SPOCK3: variants seen among roughly 807,000 people sequenced by gnomAD.
SPOCK3 encodes the protein SPARC (osteonectin), cwcv and kazal like domains proteoglycan 3.
Under a neutral mutation model 56.6 loss-of-function variants are expected in SPOCK3, and 30 were observed. The observed-to-expected ratio is 0.53, with a 90% CI of 0.40 to 0.72. The LOEUF (loss-of-function observed/expected upper bound fraction) is 0.72. SPOCK3 is among the 30% of genes least tolerant of loss of function. The pLI, the probability that SPOCK3 is intolerant of heterozygous loss-of-function variation, is 0.00. For synonymous variants in SPOCK3, 196 were observed against 183.3 expected, an observed-to-expected ratio of 1.07 and a Z score of -0.56; for missense variants, 527 against 530.0, an observed-to-expected ratio of 0.99 and a Z score of 0.06.
At chr4:166,895,933 T>C (rs1321624377) in intron 5 of SPOCK3, among the ~76,000 whole-genome samples, 3 of 152,096 alleles carry the variant, frequency 2.0e-5, no homozygotes, top group Admixed American at 1.3e-4. Flanking sequence ...TAAAAAGCCA[T>C]GATTTCCTGA....
chr4:166,933,857 G>A (rs1409120721), intron 4 of SPOCK3, among the ~76,000 whole-genome samples: 10 of 152,164 alleles, frequency 6.6e-5, no homozygotes, highest in Non-Finnish European at 1.5e-4. Context: ...TCCATGGTGT[G>A]TGCAGGTATC....
At position 167,223,088 on chromosome 4, in the gene SPOCK3, A is replaced by G. The variant is rs796446922; in HGVS notation, c.189+10897T>C. ...ATGAATATATATTTTATATATGAAT[A>G]TATATTTTATATATGAATATATAAT... On this transcript the variant is annotated intron_variant, in intron 2 of 10. Coordinates refer to ENST00000357545, the MANE Select transcript of SPOCK3 (RefSeq NM_001040159.2). Among the ~76,000 whole-genome samples the G allele has an allele frequency of 1.6e-4, 16 of 102,922 alleles. No homozygotes were observed. The East Asian group carries it at 3.7e-3, about 24-fold the overall frequency. 67.5% of individuals were successfully genotyped at this position (102,922 alleles called of 152,430 possible).
intron 7 of SPOCK3, among the ~76,000 whole-genome samples, chr4:166,787,916 T>C (rs1403311676): frequency 6.6e-6 from 1 of 152,164 alleles, no homozygotes; most frequent in Admixed American, 6.5e-5. Flanking sequence ...GAGCAGTGGC[T>C]CATACCTGTA....
chr4:166,878,069 G>A (rs186276389), intron 6 of SPOCK3, among the ~76,000 whole-genome samples: 1,919 of 152,210 alleles, frequency 0.013, 28 homozygotes, highest in Middle Eastern at 0.037. Flanking sequence ...CTGAGGTCAG[G>A]AGTCGAGACC....
At chr4:166,762,408 G>T (rs1737362141) in intron 7 of SPOCK3, among the ~76,000 whole-genome samples, 2 of 152,046 alleles carry the variant, frequency 1.3e-5, no homozygotes, top group Non-Finnish European at 2.9e-5. Flanking sequence ...GTATAAAAGG[G>T]TCTGCATAGA....
At chr4:166,742,230 CTATCATCTATCTATCTATCT>C (rs140871239) in intron 8 of SPOCK3, among the ~76,000 whole-genome samples, 171 bp from the exon 9 acceptor site, 29,590 of 144,994 alleles carry the variant, frequency 0.2, 3,115 homozygotes, top group African/African-American at 0.26. Flanking sequence ...ATGTGTCTAT[CTATCATCTATCTATCTATCT>C]ATCTATCTAT....
intron 2 of SPOCK3, among the ~76,000 whole-genome samples, chr4:167,162,616 C>T (rs1207503900): frequency 1.3e-5 from 2 of 152,042 alleles, no homozygotes; most frequent in Non-Finnish European, 2.9e-5. Flanking sequence ...TACATTATTA[C>T]CTATCACCTT....
In SPOCK3 at chr4:167,110,936, T is replaced by C. The variant is rs1032972192; in HGVS notation, c.190-48399A>G. Reference sequence around the variant, plus strand: ...TTACTTTCTTTCATTTTTTTGAAAATATAATCATCAAGGATCTGCTACACA... The same window carrying C: ...TTACTTTCTTTCATTTTTTTGAAAACATAATCATCAAGGATCTGCTACACA... On this transcript the variant is annotated intron_variant, in intron 2 of 10. Coordinates refer to ENST00000357545, the MANE Select transcript of SPOCK3 (RefSeq NM_001040159.2). Among the ~76,000 whole-genome samples, 207 of 152,064 alleles carry C rather than the reference T, an allele frequency of 1.4e-3. 2 individuals carry two copies. The highest frequency in any genetic ancestry group is 4.7e-4 in the Non-Finnish European group (32 of 67,948).
rs145967013 is a variant in SPOCK3, at chr4:167,228,598, C to T, written c.189+5387G>A. Among the ~76,000 whole-genome samples, 5 of 152,252 alleles carry T rather than the reference C, an allele frequency of 3.3e-5. No individual in the cohort carries two copies. The East Asian group carries it at 9.7e-4, about 29-fold the overall frequency. ...GTGATAACCTGATGACAAAACCAAA[C>T]TTAAATCCTGACTGGCAAGCAGGAT... On this transcript the variant is annotated intron_variant, in intron 2 of 10. Coordinates refer to ENST00000357545, the MANE Select transcript of SPOCK3 (RefSeq NM_001040159.2).
chr4:167,227,358 C>T (rs1736693941), intron 2 of SPOCK3, among the ~76,000 whole-genome samples: 2 of 151,898 alleles, frequency 1.3e-5, no homozygotes, highest in African/African-American at 4.8e-5. Flanking sequence ...CTTGAGGTGG[C>T]CAGAAATTGA....
At chr4:166,927,375 T>C (rs1027545924) in intron 4 of SPOCK3, among the ~76,000 whole-genome samples, 3 of 152,288 alleles carry the variant, frequency 2.0e-5, no homozygotes, top group South Asian at 4.1e-4. Context: ...GTTTCCACTT[T>C]TGCTTCTCTC....
chr4:167,121,641 T>G (rs547897244), intron 2 of SPOCK3, among the ~76,000 whole-genome samples: 1 of 152,244 alleles, frequency 6.6e-6, no homozygotes, highest in South Asian at 2.1e-4. Context: ...TAACAAAATT[T>G]TATACTATTC....
intron 6 of SPOCK3, among the ~76,000 whole-genome samples, chr4:166,839,116 A>G (rs925128123): frequency 2.0e-5 from 3 of 152,146 alleles, no homozygotes; most frequent in Admixed American, 6.5e-5. Context: ...ACTAATTTGT[A>G]AGACTCTGGA....
intron 9 of SPOCK3, among the ~76,000 whole-genome samples, chr4:166,738,846 C>G (rs1000224924): frequency 1.3e-5 from 2 of 151,880 alleles, no homozygotes; most frequent in Non-Finnish European, 2.9e-5. Context: ...ATATGTGCCA[C>G]ATTTTCTTAA....
At chr4:167,123,950 T>G (rs933387951) in intron 2 of SPOCK3, among the ~76,000 whole-genome samples, 4 of 152,032 alleles carry the variant, frequency 2.6e-5, no homozygotes, top group African/African-American at 9.7e-5. Context: ...TTTCACCATG[T>G]TGGCCAGGCT....
At chr4:167,163,329 A>G (rs1037639838) in intron 2 of SPOCK3, among the ~76,000 whole-genome samples, 3 of 151,878 alleles carry the variant, frequency 2.0e-5, no homozygotes, top group African/African-American at 7.3e-5. Flanking sequence ...TAGTAGGTGT[A>G]TATGTTTATG....
intron 3 of SPOCK3, among the ~76,000 whole-genome samples, chr4:167,030,277 T>C (rs1278580200): frequency 6.6e-6 from 1 of 152,102 alleles, no homozygotes; most frequent in East Asian, 1.9e-4. Context: ...TTACTTGCTT[T>C]TGATTAATCT....
At chr4:166,980,333 T>C (rs1267176475) in intron 4 of SPOCK3, among the ~76,000 whole-genome samples, 1 of 152,234 alleles carries the variant, frequency 6.6e-6, no homozygotes, top group Non-Finnish European at 1.5e-5. Context: ...GATACAATAA[T>C]ATCTTCTTTA....
At chr4:167,000,577 T>C (rs1274338616) in intron 3 of SPOCK3, 114 bp from the exon 4 acceptor site, 2 of 552,514 alleles carry the variant, frequency 3.6e-6, no homozygotes, top group Non-Finnish European at 6.4e-6. Flanking sequence ...GTAAACTTTC[T>C]TCACATTCTT....
Sources: allele counts gnomAD v4.1 joint callset (sites outside exome capture counted in the v4.1 genomes callset), GRCh38; gene constraint gnomAD v4.1.1; transcripts MANE v1.5; gene names NCBI Gene and HGNC (gene_info 2026-07-23, HGNC 2026-07-21).